LAMA5: variants seen among roughly 807,000 people sequenced by gnomAD.
The protein encoded by LAMA5 is laminin subunit alpha 5, also known as laminin subunit alpha-5.
A neutral mutation model predicts 433.4 loss-of-function variants in LAMA5; 260 were observed. The ratio of observed to expected loss-of-function variants is 0.60; its 90% CI spans 0.54 to 0.66. LAMA5 has a LOEUF of 0.66. Ranked by LOEUF, LAMA5 falls within the 30% of genes least tolerant of loss-of-function variation. The pLI is 0.00. For synonymous variants in LAMA5, 2,620 were observed against 2,226.6 expected (o/e 1.18, Z -4.97); for missense variants, 5,378 against 5,258.5 (o/e 1.02, Z -0.70).
intron 4 of LAMA5, 57 bp from the exon 5 acceptor site, chr20:62,352,136 C>T: frequency 1.3e-6 from 2 of 1,589,314 alleles, no homozygotes; most frequent in Non-Finnish European, 8.5e-7. Context: ...AGCACTGCCC[C>T]TCCCGGGCCC....
At position 62,333,407 on chromosome 20, in the gene LAMA5, TG is replaced by T. The variant is rs1369812777; in HGVS notation, c.3095del (p.Thr1032AsnfsTer56). 6.2e-7 allele frequency: 1 copy of T among 1,612,590 alleles called. No homozygotes were observed. The highest frequency in any genetic ancestry group is 2.2e-5 in the East Asian group (1 of 44,884). ...CAGACTGCTGGGCAGAGGGACGGTA[TG>T]TGCAGGCCTCAGTCACCCGCAGCTG... is the stretch of plus-strand genomic sequence containing the variant. ...LLQLRVTEAC[T>X]YRPSAQQSGD... is the part of the protein sequence containing the mutation. On this transcript the variant is annotated frameshift_variant, in exon 25 of 80. Coordinates refer to ENST00000252999, the MANE Select transcript of LAMA5 (RefSeq NM_005560.6). LOFTEE classifies it high-confidence loss of function.
rs757459375 is a variant in LAMA5 at position 62,346,118 on chromosome 20, C to T, written c.1380G>A (p.Val460=). The T allele has an allele frequency of 1.4e-5, 23 of 1,612,956 alleles. No homozygotes were observed. The African/African-American group carries it at 2.7e-4, about 19-fold the overall frequency. Residue 460 remains valine, a synonymous_variant, in exon 10 of 80, where the codon GTG becomes GTA. Coordinates refer to ENST00000252999, the MANE Select transcript of LAMA5 (RefSeq NM_005560.6). ...RPNFSGERCD[V]CAEGFTGFPS... ...GGAAGCCCGTGAAGCCCTCGGCACA[C>T]ACGTCACACCGCTCCCCAGAGAAGT...
intron 2 of LAMA5, 32 bp from the exon 3 acceptor site, chr20:62,353,283 G>A: frequency 1.3e-6 from 2 of 1,493,486 alleles, no homozygotes; most frequent in African/African-American, 1.4e-5. Context: ...GGGGAGCCAG[G>A]GGCGCCTGGA....
intron 2 of LAMA5, among the ~76,000 whole-genome samples, chr20:62,353,686 G>A (rs985226231): frequency 6.6e-6 from 1 of 152,098 alleles, no homozygotes; most frequent in African/African-American, 2.4e-5. Flanking sequence ...AGGCCTGGTG[G>A]CCAGACAGTG....
chr20:62,352,328 G>T lies in LAMA5; in HGVS notation c.601C>A (p.Pro201Thr). The T allele has an allele frequency of 6.3e-7, 1 of 1,599,608 alleles. No individual in the cohort carries two copies. Among genetic ancestry groups the T allele is most frequent in the Non-Finnish European group, 8.5e-7 (1 of 1,179,702 alleles). ...CGTGTGATGCGCTCCAGCGTCTGTG[G>T]CCCGAACCGCTCCAGACAGTCCCTC... ...SKRDCLERFGPQTLERITRDD... is the reference protein window; with the variant it reads ...SKRDCLERFGTQTLERITRDD... The change falls in exon 4 of 80, where the codon CCA (proline) becomes ACA (threonine). Residue 201 changes from proline (P) to threonine (T), a missense_variant. By Grantham distance (38) the Pro-to-Thr change is conservative (BLOSUM62 -1). Coordinates refer to ENST00000252999, the MANE Select transcript of LAMA5 (RefSeq NM_005560.6).
At chr20:62,349,545 G>A (rs1983875521) in intron 6 of LAMA5, among the ~76,000 whole-genome samples, 1 of 145,316 alleles carries the variant, frequency 6.9e-6, no homozygotes, top group South Asian at 2.2e-4. Flanking sequence ...TCATTCAAGA[G>A]GGAGGACAAA....
chr20:62,322,720 G>C lies in LAMA5; in HGVS notation c.6103C>G (p.Pro2035Ala). The change falls in exon 46 of 80, where the codon CCC becomes GCC. Residue 2035 changes from proline (P) to alanine (A), a missense_variant. Physicochemically the swap from Pro to Ala is conservative, Grantham distance 27. Transcript: ENST00000252999. ...CTPCGTEACD[P>A]HSGHCLCKAG... ...TTGCACAGGCAGTGCCCGCTGTGGG[G>C]GTCGCAGGCCTCTGTCCCACATGGG... 1 of 1,537,988 alleles carries C rather than the reference G, an allele frequency of 6.5e-7. No homozygotes were observed. The highest frequency in any genetic ancestry group is 8.7e-7 in the Non-Finnish European group (1 of 1,143,464).
rs1418714311 is a variant in LAMA5 at position 62,316,066 on chromosome 20, G to A, written c.7757-8C>T. On this transcript the variant is annotated splice_polypyrimidine_tract_variant and splice_region_variant and intron_variant, in intron 57 of 79. Coordinates refer to ENST00000252999, the MANE Select transcript of LAMA5 (RefSeq NM_005560.6). ...CCTGGAGGGCAGCCCACACTGCGGG[G>A]GAGGCAGCTTCAGCTCCCAGGCAGC... 1 of 1,597,122 alleles carries A rather than the reference G, an allele frequency of 6.3e-7. No homozygotes were observed. The highest frequency in any genetic ancestry group is 8.5e-7 in the Non-Finnish European group (1 of 1,172,034).
chr20:62,327,904 C>T lies in LAMA5; in HGVS notation c.4759G>A (p.Gly1587Ser). The change falls in exon 36 of 80, where the codon GGC becomes AGC. Residue 1587 changes from glycine to serine, a missense_variant. Gly to Ser is a moderately conservative substitution (Grantham distance 56). Coordinates refer to ENST00000252999, the MANE Select transcript of LAMA5 (RefSeq NM_005560.6). ...TGCCCTGTGAGGGGGTCACACACGCCAGGCGCAGTGCCCGCCTCGTGACAG... is the reference window on the plus strand; with the variant it reads ...TGCCCTGTGAGGGGGTCACACACGCTAGGCGCAGTGCCCGCCTCGTGACAG... ...CDCHEAGTAP[G>S]VCDPLTGQCY... The T allele has an allele frequency of 6.2e-7, 1 of 1,611,702 alleles. No homozygotes were observed. The highest frequency in any genetic ancestry group is 2.2e-5 in the East Asian group (1 of 44,880).
In LAMA5 at chr20:62,323,210, GT is replaced by G. The variant is rs200344840; in HGVS notation, c.6064+245del. ...TGTAGTAGGGAGAAAGGGTGTGATG[GT>G]CCGGGGGAGGCCTGATGGTGAAGGG... is the stretch of plus-strand genomic sequence containing the variant. On this transcript the variant is annotated intron_variant, in intron 45 of 79. Transcript: ENST00000252999. Among the ~76,000 whole-genome samples the G allele has an allele frequency of 4.2e-5, 6 of 141,882 alleles. No homozygotes were observed. In the East Asian group the frequency reaches 1.2e-3, roughly 29 times the overall value. The allele number at this position is 141,882 out of a possible 152,430, so 93.1% of individuals were successfully genotyped here.
At chr20:62,326,654 G>A in intron 40 of LAMA5, 23 bp downstream of exon 40, 2 of 1,598,152 alleles carry the variant, frequency 1.3e-6, no homozygotes, top group Non-Finnish European at 1.7e-6. Context: ...AGGGACCTGG[G>A]TGCCCAAGCC....
Position 62,332,362 on chromosome 20 carries a change from G to A in LAMA5, c.3552+10C>T. 1.3e-6 allele frequency: 2 copies of A among 1,584,976 alleles called. No homozygotes were observed. The highest frequency in any genetic ancestry group is 2.2e-5 in the East Asian group (1 of 44,690). ...TGACCCCTTGGGGTGGGGACCTGAG[G>A]GGTCCTTACCAGGAAGAAGCGTGCC... On this transcript the variant is annotated intron_variant, in intron 28 of 79. Coordinates refer to ENST00000252999, the MANE Select transcript of LAMA5 (RefSeq NM_005560.6).
In LAMA5 at chr20:62,351,738, C is replaced by T. The variant is rs756920827; in HGVS notation, c.922G>A (p.Ala308Thr). ...GRCVCHGHADACDAKDPTDPF... is the reference protein window; with the variant it reads ...GRCVCHGHADTCDAKDPTDPF... ...TCCGTGGGGTCTTTGGCATCGCAGG[C>T]ATCCGCGTGGCCGTGGCAGACACAG... Residue 308 changes from alanine to threonine, a missense_variant, in exon 6 of 80, where the codon GCC (alanine) becomes ACC (threonine). Transcript: ENST00000252999. The T allele has an allele frequency of 6.2e-7, 1 of 1,612,092 alleles. No homozygotes were observed. Among genetic ancestry groups the T allele is most frequent in the Non-Finnish European group, 8.5e-7 (1 of 1,179,868 alleles).
chr20:62,325,194 G>C (rs779478643), intron 41 of LAMA5, 122 bp downstream of exon 41: 1 of 667,686 alleles, frequency 1.5e-6, no homozygotes. Context: ...GCAGGGGCAG[G>C]AAGAGAGGTG....
Position 62,316,189 on chromosome 20 carries a change from CATGG to C in LAMA5, c.7757-135_7757-132del, listed in dbSNP as rs751310052. Reference sequence around the variant, plus strand: ...AGACAGATGGACAGGGACACTCAGACATGGAGTCCCTTAGCCTGTGGGGAGGTGT... The same window carrying C: ...AGACAGATGGACAGGGACACTCAGACAGTCCCTTAGCCTGTGGGGAGGTGT... On this transcript the variant is annotated intron_variant, in intron 57 of 79. Coordinates refer to ENST00000252999, the MANE Select transcript of LAMA5 (RefSeq NM_005560.6). 3.4e-4 allele frequency: 224 copies of C among 667,388 alleles called. 1 individual carries two copies. Among genetic ancestry groups the C allele is most frequent in the South Asian group, 1.2e-3 (68 of 56,518 alleles). The allele number at this position is 667,388 out of a possible 1,614,324, so 41.3% of individuals were successfully genotyped here.
chr20:62,326,135 G>A (rs564465865), intron 40 of LAMA5, among the ~76,000 whole-genome samples: 13 of 152,030 alleles, frequency 8.6e-5, no homozygotes, highest in African/African-American at 2.7e-4. Flanking sequence ...CAGAAGAATC[G>A]CTTGATCCTG....
At chr20:62,365,708 C>A (rs1986646064) in intron 1 of LAMA5, among the ~76,000 whole-genome samples, 1 of 152,198 alleles carries the variant, frequency 6.6e-6, no homozygotes, top group African/African-American at 2.4e-5. Context: ...GTTCCCACAG[C>A]TAACCCCCGC....
At chr20:62,353,069 C>G (rs978402665) in intron 3 of LAMA5, 65 bp downstream of exon 3, 4 of 1,203,242 alleles carry the variant, frequency 3.3e-6, no homozygotes, top group Non-Finnish European at 4.7e-6. Flanking sequence ...GAAGCCTGGT[C>G]ACGGAGGGCC....
rs560460685 is a variant in LAMA5 at position 62,319,685 on chromosome 20, G to A, written c.6870C>T (p.Ser2290=). The change falls in exon 51 of 80, where the codon AGC becomes AGT. Residue 2290 remains serine, a splice_region_variant and synonymous_variant. Transcript: ENST00000252999. ...AAIRAVDRTL[S]ELMSQTGHLG... ...GAGCCTGGCTGGGCTGGCCCCTACC[G>A]CTCAGGGTGCGGTCCACAGCCCGGA... is the stretch of plus-strand genomic sequence containing the variant. 2.3e-5 allele frequency: 36 copies of A among 1,538,736 alleles called. No individual in the cohort carries two copies. The highest frequency in any genetic ancestry group is 7.2e-5 in the South Asian group (6 of 83,910).
Sources: allele counts gnomAD v4.1 joint callset (sites outside exome capture counted in the v4.1 genomes callset), GRCh38; gene constraint gnomAD v4.1.1; transcripts MANE v1.5; gene names NCBI Gene and HGNC (gene_info 2026-07-23, HGNC 2026-07-21).